The following PUDP variants were observed in gnomAD, a reference collection of about 807,000 sequenced individuals.
The protein encoded by PUDP is pseudouridine-5'-phosphatase.
A neutral mutation model predicts 9.4 loss-of-function variants in PUDP; 8 were observed. That is an observed-to-expected ratio of 0.85 (90% CI 0.50 to 1.53). PUDP has a LOEUF of 1.53. Ranked by LOEUF, PUDP falls within the 40% of genes most tolerant of loss-of-function variation. The pLI, the probability that PUDP is intolerant of heterozygous loss-of-function variation, is 0.00. For synonymous variants in PUDP, 99 were observed against 80.7 expected (o/e 1.23, Z -1.22); for missense variants, 188 against 189.7 (o/e 0.99, Z 0.05).
chrX:6,725,064 C>T (rs1924723607), upstream of PUDP, among the ~76,000 whole-genome samples: 1 of 111,668 alleles, frequency 9.0e-6, no homozygotes, highest in Non-Finnish European at 1.9e-5. Flanking sequence ...TTGGGTCGAG[C>T]ACGGTTGGTC....
At chrX:6,970,750 G>A (rs1928861551) in intron 3 of PUDP, among the ~76,000 whole-genome samples, 1 of 111,637 alleles carries the variant, frequency 9.0e-6, no homozygotes, top group African/African-American at 3.3e-5. Flanking sequence ...AGGACTGCCT[G>A]TATGATGGAT....
intron 3 of PUDP, among the ~76,000 whole-genome samples, chrX:6,857,147 AAAC>A (rs199827185): frequency 4.9e-3 from 557 of 112,921 alleles, no homozygotes; most frequent in Middle Eastern, 9.1e-3. Context: ...AAAGCAAACA[AAAC>A]AACAACACTC....
At chrX:6,817,231 C>A (rs956953461) in intron 3 of PUDP, among the ~76,000 whole-genome samples, 1 of 108,896 alleles carries the variant, frequency 9.2e-6, no homozygotes, top group Non-Finnish European at 1.9e-5. Context: ...TTCATGCCAC[C>A]ATGCCCAGAT....
At chrX:6,938,940 C>A (rs1464082919) in intron 3 of PUDP, among the ~76,000 whole-genome samples, 1 of 110,622 alleles carries the variant, frequency 9.0e-6, no homozygotes, top group Non-Finnish European at 1.9e-5. Flanking sequence ...CTTAAAAAAG[C>A]AGATAATGGA....
At chrX:7,018,327 T>C (rs1322268901) in intron 1 of PUDP, among the ~76,000 whole-genome samples, 3 of 112,049 alleles carry the variant, frequency 2.7e-5, no homozygotes, top group Admixed American at 9.4e-5. Flanking sequence ...TCATTTTATC[T>C]TTTGGTCATC....
At chrX:6,827,123 G>A (rs1290742864) in intron 3 of PUDP, among the ~76,000 whole-genome samples, 2 of 111,948 alleles carry the variant, frequency 1.8e-5, no homozygotes, top group African/African-American at 3.2e-5. Context: ...CTGAGGTTGC[G>A]TTTGGATCCC....
intron 3 of PUDP, among the ~76,000 whole-genome samples, chrX:6,948,947 T>A (rs1602686378): frequency 8.9e-6 from 1 of 112,121 alleles, no homozygotes; most frequent in East Asian, 2.8e-4. Context: ...AGGACAGTGG[T>A]GATGAGCTGT....
At chrX:7,041,750 T>C (rs1929924107) in intron 1 of PUDP, among the ~76,000 whole-genome samples, 1 of 112,040 alleles carries the variant, frequency 8.9e-6, no homozygotes, top group Non-Finnish European at 1.9e-5. Context: ...CTCTGCTTCT[T>C]CAGTGCAACC....
intron 1 of PUDP, among the ~76,000 whole-genome samples, chrX:7,002,251 C>G (rs2146809900): frequency 8.9e-6 from 1 of 111,953 alleles, no homozygotes; most frequent in South Asian, 3.7e-4. Flanking sequence ...TTGTTTTATA[C>G]TCATCAGATT....
rs769763964 is a variant in PUDP, at chrX:7,055,331, A to G, written c.511-4859T>C. On this transcript the variant is annotated intron_variant, in intron 3 of 3. Coordinates refer to ENST00000381077, the MANE Select transcript of PUDP (RefSeq NM_012080.5). ...CAATGGCAAGATCTTAGCTCACTGC[A>G]ACCTCCACCTCCCGGGTTCAAGCAA... Among the ~76,000 whole-genome samples the G allele has an allele frequency of 3.6e-5, 4 of 111,225 alleles. No individual in the cohort carries two copies. The Admixed American group carries it at 3.8e-4, about 11-fold the overall frequency.
At chrX:6,883,899 G>A (rs185021973) in intron 3 of PUDP, among the ~76,000 whole-genome samples, 9 of 111,285 alleles carry the variant, frequency 8.1e-5, no homozygotes, top group African/African-American at 9.8e-5. Flanking sequence ...GGAGTGCAGC[G>A]GCACGATCTC....
intron 3 of PUDP, among the ~76,000 whole-genome samples, chrX:7,064,260 C>T (rs1040488288): frequency 1.8e-5 from 2 of 111,410 alleles, no homozygotes; most frequent in African/African-American, 6.5e-5. Context: ...AGATTAAAAC[C>T]AGCACACACT....
intron 3 of PUDP, among the ~76,000 whole-genome samples, chrX:6,939,430 A>G (rs939599865): frequency 9.3e-6 from 1 of 107,930 alleles, no homozygotes; most frequent in Non-Finnish European, 1.9e-5. Flanking sequence ...TAGATACATT[A>G]TTTTGTGATT....
chrX:6,881,975 T>A (rs1295216575), intron 3 of PUDP, among the ~76,000 whole-genome samples: 2 of 104,485 alleles, frequency 1.9e-5, no homozygotes, highest in Non-Finnish European at 3.9e-5. Flanking sequence ...TTTTTTTTTT[T>A]ACTTTTTTTT....
intron 3 of PUDP, among the ~76,000 whole-genome samples, chrX:6,924,318 T>C (rs991890738): frequency 1.8e-5 from 2 of 111,856 alleles, no homozygotes; most frequent in Admixed American, 1.9e-4. Flanking sequence ...AACTATCTGT[T>C]AAGTACCAAA....
chrX:6,860,626 C>T (rs1417818609), intron 3 of PUDP, among the ~76,000 whole-genome samples: 1 of 110,654 alleles, frequency 9.0e-6, no homozygotes, highest in Non-Finnish European at 1.9e-5. Context: ...CGTGTGCCAC[C>T]ACACCCGGCT....
At chrX:7,092,365 GT>G (rs1229073505) in intron 2 of PUDP, among the ~76,000 whole-genome samples, 1 of 112,724 alleles carries the variant, frequency 8.9e-6, no homozygotes, top group East Asian at 2.8e-4. Flanking sequence ...AATACTTTAA[GT>G]TATAGTAATC....
At chrX:6,738,460 C>A (rs1320515692) in intron 3 of PUDP, among the ~76,000 whole-genome samples, 1 of 111,774 alleles carries the variant, frequency 8.9e-6, no homozygotes, top group Non-Finnish European at 1.9e-5. Flanking sequence ...CTGAATCCCA[C>A]ACCAATGACT....
At chrX:7,029,273 A>G (rs149740096) in intron 1 of PUDP, among the ~76,000 whole-genome samples, 4,479 of 111,636 alleles carry the variant, frequency 0.04, 232 homozygotes, top group African/African-American at 0.14. Context: ...TAAAGGCCCT[A>G]CCTGCAAATA....
Sources: allele counts gnomAD v4.1 joint callset (sites outside exome capture counted in the v4.1 genomes callset), GRCh38; gene constraint gnomAD v4.1.1; transcripts MANE v1.5; gene names NCBI Gene and HGNC (gene_info 2026-07-23, HGNC 2026-07-21).